FBXL2: variants seen among roughly 807,000 people sequenced by gnomAD.
The protein encoded by FBXL2 is F-box/LRR-repeat protein 2.
FBXL2 carries 38 observed loss-of-function variants against 69.2 expected under a neutral mutation model. The observed-to-expected ratio is 0.55, with a 90% confidence interval of 0.42 to 0.72. The LOEUF is 0.72. FBXL2 is among the 30% of genes least tolerant of loss of function. FBXL2 has a pLI of 0.00. For missense variants in FBXL2, 354 were observed against 520.3 expected (o/e 0.68, Z 3.11); for synonymous variants, 192 against 201.3 (o/e 0.95, Z 0.39).
chr3:33,327,169 C>A (rs1035968617), intron 2 of FBXL2, among the ~76,000 whole-genome samples: 1 of 152,126 alleles, frequency 6.6e-6, no homozygotes, highest in African/African-American at 2.4e-5. Flanking sequence ...ATAATCATTG[C>A]TTGATACTCA....
chr3:33,285,111 C>T (rs570400917), intron 1 of FBXL2, among the ~76,000 whole-genome samples: 4 of 152,084 alleles, frequency 2.6e-5, no homozygotes, highest in South Asian at 2.1e-4. Context: ...TTTGCTCGTT[C>T]GTTGATGCAG....
chr3:33,403,469 T>C (rs1238805873), exon 13 of FBXL2: 1 of 150,632 alleles, frequency 6.6e-6, no homozygotes, highest in Non-Finnish European at 1.4e-5. Flanking sequence ...ATCAACTGTG[T>C]ACAGTACTAC....
rs771014727 is a variant in FBXL2, at chr3:33,401,047, G to A, written n.1215-2187G>A. 3.2e-6 allele frequency: 5 copies of A among 1,566,800 alleles called. No homozygotes were observed. The Middle Eastern group carries it at 5.0e-4, about 158-fold the overall frequency. ...GAGAAAGGAGAAAGAAGGAAATGAT[G>A]ATTTTTATAATACATATATGTTTTA... is the stretch of plus-strand genomic sequence containing the variant. On this transcript the variant is annotated intron_variant and non_coding_transcript_variant, in intron 12 of 12. Transcript: ENST00000463736.
At chr3:33,343,653 A>G (rs937839036) in intron 2 of FBXL2, among the ~76,000 whole-genome samples, 7 of 152,116 alleles carry the variant, frequency 4.6e-5, no homozygotes, top group South Asian at 2.1e-4. Context: ...AATTATATTC[A>G]ATCTTTAGTA....
chr3:33,364,001 G>C (rs993050542), intron 4 of FBXL2, among the ~76,000 whole-genome samples: 3 of 152,090 alleles, frequency 2.0e-5, no homozygotes, highest in Non-Finnish European at 4.4e-5. Context: ...AAAGTGATTT[G>C]AAATAGAAAA....
chr3:33,398,777 T>C (rs2044109137), intron 12 of FBXL2, among the ~76,000 whole-genome samples: 2 of 152,246 alleles, frequency 1.3e-5, no homozygotes, highest in African/African-American at 4.8e-5. Flanking sequence ...ATGTGGGGCC[T>C]CCTTCAGTTC....
intron 2 of FBXL2, among the ~76,000 whole-genome samples, chr3:33,325,632 A>G (rs750393930): frequency 6.6e-6 from 1 of 152,234 alleles, no homozygotes; most frequent in Non-Finnish European, 1.5e-5. Context: ...TACTAGCATT[A>G]TAGATAAAGT....
At chr3:33,362,636 A>C (rs2041704694) in intron 4 of FBXL2, among the ~76,000 whole-genome samples, 1 of 152,206 alleles carries the variant, frequency 6.6e-6, no homozygotes, top group Non-Finnish European at 1.5e-5. Flanking sequence ...ATGTGTTCTC[A>C]TTGTTCAATT....
downstream of FBXL2, among the ~76,000 whole-genome samples, chr3:33,404,367 G>A (rs1195653874): frequency 1.3e-5 from 2 of 151,870 alleles, no homozygotes; most frequent in Admixed American, 6.6e-5. Context: ...AGCCGAGATC[G>A]TGCCATTGTA....
downstream of FBXL2, among the ~76,000 whole-genome samples, chr3:33,404,510 G>C (rs1052549494): frequency 1.3e-5 from 2 of 151,374 alleles, no homozygotes; most frequent in African/African-American, 4.8e-5. Flanking sequence ...AGCCAGGTAT[G>C]GTGGAGCACA....
chr3:33,373,713 G>C lies in FBXL2; in HGVS notation c.582+9G>C. The stretch of plus-strand genomic sequence containing the variant: ...TGAGGGGCTGCACACAGGTACCAGA[G>C]GGTTGATACAGCTGTTTGTGTTATG... On this transcript the variant is annotated intron_variant, in intron 8 of 14. Coordinates refer to ENST00000484457, the MANE Select transcript of FBXL2 (RefSeq NM_012157.5). 1 of 1,614,196 alleles carries C rather than the reference G, an allele frequency of 6.2e-7. No homozygotes were observed. Among genetic ancestry groups the C allele is most frequent in the South Asian group, 1.1e-5 (1 of 91,080 alleles).
downstream of FBXL2, chr3:33,391,723 C>T (rs1199557246): frequency 6.6e-6 from 1 of 152,246 alleles, no homozygotes; most frequent in Non-Finnish European, 1.5e-5. Flanking sequence ...GATACCATCA[C>T]CTTTCACCTG....
intron 5 of FBXL2, among the ~76,000 whole-genome samples, chr3:33,365,063 G>T (rs201268656): frequency 1.3e-5 from 2 of 151,782 alleles, no homozygotes; most frequent in East Asian, 3.9e-4. Flanking sequence ...TCTTCACTTC[G>T]GCATCTTCCT....
chr3:33,332,064 C>A (rs2039208626), intron 2 of FBXL2, among the ~76,000 whole-genome samples: 1 of 151,920 alleles, frequency 6.6e-6, no homozygotes, highest in African/African-American at 2.4e-5. Context: ...ATATCAGGTT[C>A]TGGAAAGGAT....
intron 2 of FBXL2, among the ~76,000 whole-genome samples, chr3:33,330,712 A>C (rs1575218181): frequency 6.6e-6 from 1 of 152,106 alleles, no homozygotes. Flanking sequence ...GCATGGCAAA[A>C]CCCTGTCTCT....
intron 2 of FBXL2, among the ~76,000 whole-genome samples, chr3:33,346,937 T>C (rs917412113): frequency 6.6e-6 from 1 of 152,220 alleles, no homozygotes; most frequent in Non-Finnish European, 1.5e-5. Flanking sequence ...AATGGGGATA[T>C]CCGTCCCTTC....
chr3:33,364,938 G>C (rs540598756), intron 5 of FBXL2, among the ~76,000 whole-genome samples: 2 of 152,084 alleles, frequency 1.3e-5, no homozygotes, highest in African/African-American at 2.4e-5. Flanking sequence ...TATTTCCCCC[G>C]GCCGAGTGTC....
At chr3:33,395,750 G>GAAAAA (rs61654235) in intron 12 of FBXL2, among the ~76,000 whole-genome samples, 73 of 69,762 alleles carry the variant, frequency 1.0e-3, no homozygotes, top group African/African-American at 2.1e-3. Context: ...CAGGAAAATT[G>GAAAAA]AAAAAAAAAA....
chr3:33,404,505 G>A (rs2044362686), downstream of FBXL2, among the ~76,000 whole-genome samples: 1 of 150,794 alleles, frequency 6.6e-6, no homozygotes, highest in African/African-American at 2.4e-5. Context: ...AAAATAGCCA[G>A]GTATGGTGGA....
Sources: allele counts gnomAD v4.1 joint callset (sites outside exome capture counted in the v4.1 genomes callset), GRCh38; gene constraint gnomAD v4.1.1; transcripts MANE v1.5; gene names NCBI Gene and HGNC (gene_info 2026-07-23, HGNC 2026-07-21).